Variants in WWOX observed in about 807,000 individuals in gnomAD.
WWOX encodes WW domain containing oxidoreductase.
Under a neutral mutation model 46.2 loss-of-function variants are expected in WWOX, and 69 were observed. The observed-to-expected ratio is 1.49, with a 90% CI of 1.23 to 1.82. The LOEUF (loss-of-function observed/expected upper bound fraction) is 1.82, where lower values mean the gene tolerates loss of function less well. WWOX is among the 40% of genes most tolerant of loss of function. The pLI is 0.00. For missense variants in WWOX, 919 were observed against 542.6 expected, an observed-to-expected ratio of 1.69 and a Z score of -6.89; for synonymous variants, 359 against 202.6, an observed-to-expected ratio of 1.77 and a Z score of -6.56.
At chr16:78,778,687 C>A (rs2050250668) in intron 8 of WWOX, among the ~76,000 whole-genome samples, 1 of 152,156 alleles carries the variant, frequency 6.6e-6, no homozygotes, top group Non-Finnish European at 1.5e-5. Flanking sequence ...CTACTCACCT[C>A]CTGTTTGAGT....
chr16:78,617,326 C>T (rs2046050416), intron 8 of WWOX, among the ~76,000 whole-genome samples: 2 of 150,714 alleles, frequency 1.3e-5, no homozygotes, highest in South Asian at 4.2e-4. Context: ...CACTTGAGCC[C>T]AGGAGGCAGA....
At chr16:78,828,663 G>T (rs766671124) in intron 8 of WWOX, among the ~76,000 whole-genome samples, 15 of 152,168 alleles carry the variant, frequency 9.9e-5, no homozygotes, top group Non-Finnish European at 1.9e-4. Context: ...TTCACACTCT[G>T]ACCTTTATTA....
intron 8 of WWOX, among the ~76,000 whole-genome samples, chr16:78,809,016 G>A (rs2051117444): frequency 1.3e-5 from 2 of 151,970 alleles, no homozygotes. Flanking sequence ...GAATTTTATG[G>A]CCTCACAGGT....
At chr16:78,140,092 T>C (rs912980687) in intron 4 of WWOX, among the ~76,000 whole-genome samples, 5 of 152,186 alleles carry the variant, frequency 3.3e-5, no homozygotes, top group South Asian at 2.1e-4. Context: ...GGGATCCATA[T>C]TGTAGCCCCA....
intron 5 of WWOX, chr16:78,167,079 C>G (rs190658098): frequency 1.3e-5 from 2 of 152,318 alleles, no homozygotes; most frequent in East Asian, 3.9e-4. Flanking sequence ...CATGTTTAAA[C>G]CAGTCTTGGA....
At chr16:78,927,527 G>T (rs1470497209) in intron 8 of WWOX, among the ~76,000 whole-genome samples, 1 of 152,162 alleles carries the variant, frequency 6.6e-6, no homozygotes, top group African/African-American at 2.4e-5. Flanking sequence ...GCACTCAATA[G>T]ATATTTGATA....
At chr16:79,154,961 T>C (rs1421160013) in intron 8 of WWOX, among the ~76,000 whole-genome samples, 1 of 152,200 alleles carries the variant, frequency 6.6e-6, no homozygotes, top group Non-Finnish European at 1.5e-5. Context: ...CTGACAAGTA[T>C]TTTCAGTGGA....
At chr16:78,951,425 C>G (rs1449690477) in intron 8 of WWOX, among the ~76,000 whole-genome samples, 5 of 152,138 alleles carry the variant, frequency 3.3e-5, no homozygotes, top group Non-Finnish European at 7.4e-5. Context: ...GTCTTTCTGT[C>G]TGGACCTGGA....
At chr16:78,875,685 G>C (rs868650625) in intron 8 of WWOX, among the ~76,000 whole-genome samples, 1 of 152,124 alleles carries the variant, frequency 6.6e-6, no homozygotes, top group Admixed American at 6.5e-5. Context: ...CCATAAACAA[G>C]ACTTGGTTTT....
intron 5 of WWOX, among the ~76,000 whole-genome samples, chr16:78,340,610 G>A (rs1299623358): frequency 1.7e-5 from 2 of 120,916 alleles, no homozygotes; most frequent in Admixed American, 8.1e-5. Context: ...CATGGCCACG[G>A]CCAGTTAACT....
intron 4 of WWOX, among the ~76,000 whole-genome samples, chr16:78,140,519 C>A (rs184513897): frequency 6.6e-6 from 1 of 151,986 alleles, no homozygotes; most frequent in African/African-American, 2.4e-5. Flanking sequence ...AGGGAAGGAC[C>A]CTTCCTTGCC....
chr16:78,578,442 A>C (rs1415659178), intron 8 of WWOX, among the ~76,000 whole-genome samples: 1 of 150,028 alleles, frequency 6.7e-6, no homozygotes, highest in Non-Finnish European at 1.5e-5. Context: ...GGCGCCCACC[A>C]CCATGCCTGG....
At chr16:79,124,865 A>C (rs1057285672) in intron 8 of WWOX, among the ~76,000 whole-genome samples, 2 of 152,210 alleles carry the variant, frequency 1.3e-5, no homozygotes, top group East Asian at 3.9e-4. Flanking sequence ...GAAGGTTTGC[A>C]AAGACATCTT....
chr16:78,255,493 G>C (rs748145655), intron 5 of WWOX, among the ~76,000 whole-genome samples: 1 of 152,204 alleles, frequency 6.6e-6, no homozygotes, highest in Non-Finnish European at 1.5e-5. Flanking sequence ...AGCAAAGAGA[G>C]AGGTAGCTGC....
chr16:78,812,582 C>T (rs1157614825), intron 8 of WWOX, among the ~76,000 whole-genome samples: 1 of 151,866 alleles, frequency 6.6e-6, no homozygotes. Context: ...AAAAAATTGC[C>T]AGGCCTAGGC....
intron 5 of WWOX, among the ~76,000 whole-genome samples, chr16:78,317,970 A>G (rs2080389319): frequency 6.6e-6 from 1 of 152,144 alleles, no homozygotes; most frequent in African/African-American, 2.4e-5. Flanking sequence ...GCAAAGTGGT[A>G]GTGACTTTTT....
chr16:78,314,722 C>CTTTTTTTTTTTTTTTT (rs2080327193), intron 5 of WWOX, among the ~76,000 whole-genome samples: 1 of 84,282 alleles, frequency 1.2e-5, no homozygotes, highest in African/African-American at 4.3e-5. Context: ...TTTTTTTTTT[C>CTTTTTTTTTTTTTTTT]TGTATTTTCA....
intron 8 of WWOX, among the ~76,000 whole-genome samples, chr16:79,152,130 G>T (rs141033962): frequency 6.6e-6 from 1 of 152,308 alleles, no homozygotes; most frequent in East Asian, 1.9e-4. Context: ...TAGAGTAAAA[G>T]ATATCGATTT....
intron 8 of WWOX, among the ~76,000 whole-genome samples, chr16:78,755,234 CAAAA>C (rs5818169): frequency 7.2e-6 from 1 of 139,842 alleles, no homozygotes; most frequent in East Asian, 2.1e-4. Context: ...AAAGTTTCAT[CAAAA>C]AAAAAAAAAG....
Sources: allele counts gnomAD v4.1 joint callset (sites outside exome capture counted in the v4.1 genomes callset), GRCh38; gene constraint gnomAD v4.1.1; transcripts MANE v1.5; gene names NCBI Gene and HGNC (gene_info 2026-07-23, HGNC 2026-07-21).